Variants in ST18 observed in about 807,000 individuals in gnomAD.
The protein encoded by ST18 is suppression of tumorigenicity 18 protein.
In ST18, 50 loss-of-function variants were observed where a neutral mutation model predicts 110.0. The ratio of observed to expected loss-of-function variants is 0.45; its 90% CI spans 0.36 to 0.58. The LOEUF is 0.58. Among genes scored for constraint, ST18 ranks in the 20% least tolerant of loss-of-function variants. ST18 has a pLI of 0.00. For synonymous variants in ST18, 461 were observed against 452.4 expected, an observed-to-expected ratio of 1.02 and a Z score of -0.24; for missense variants, 1,306 against 1,280.1, an observed-to-expected ratio of 1.02 and a Z score of -0.31.
intron 25 of ST18, among the ~76,000 whole-genome samples, 196 bp from the exon 26 acceptor site, chr8:52,113,534 G>A (rs1006078934): frequency 6.6e-6 from 1 of 152,126 alleles, no homozygotes; most frequent in African/African-American, 2.4e-5. Flanking sequence ...TTCAGGAGAC[G>A]AATATGACTG....
chr8:52,247,126 C>T (rs1564301747), intron 2 of ST18, among the ~76,000 whole-genome samples: 1 of 152,170 alleles, frequency 6.6e-6, no homozygotes. Context: ...GCATCTACTA[C>T]AGTCCTCTGA....
intron 2 of ST18, among the ~76,000 whole-genome samples, chr8:52,271,585 A>G (rs145139639): frequency 0.011 from 1,683 of 152,314 alleles, 32 homozygotes; most frequent in African/African-American, 0.038. Context: ...AGTTTATAAC[A>G]ATGGTTTTCC....
intron 2 of ST18, among the ~76,000 whole-genome samples, chr8:52,316,767 G>A (rs112123784): frequency 1.2e-4 from 18 of 152,270 alleles, no homozygotes; most frequent in African/African-American, 4.3e-4. Context: ...TAGCTCAGTG[G>A]TCATGTGCTG....
intron 9 of ST18, 62 bp downstream of exon 9, chr8:52,180,060 G>GA: frequency 3.9e-6 from 6 of 1,531,602 alleles, no homozygotes; most frequent in Non-Finnish European, 5.4e-6. Flanking sequence ...CACTCTACAT[G>GA]AATTAGCACA....
At chr8:52,115,585 G>A (rs1464998352) in intron 25 of ST18, among the ~76,000 whole-genome samples, 2 of 152,204 alleles carry the variant, frequency 1.3e-5, no homozygotes, top group Admixed American at 6.5e-5. Flanking sequence ...GCAGTAGGCT[G>A]TACCATATAG....
At chr8:52,135,844 C>T (rs954854976) in intron 19 of ST18, among the ~76,000 whole-genome samples, 2 of 152,066 alleles carry the variant, frequency 1.3e-5, no homozygotes, top group East Asian at 1.9e-4. Context: ...GCTGATGCTG[C>T]TGTCTACGCA....
intron 25 of ST18, 130 bp from the exon 26 acceptor site, chr8:52,113,468 G>A: frequency 1.0e-6 from 1 of 982,304 alleles, no homozygotes; most frequent in Non-Finnish European, 1.5e-6. Context: ...GACTGCTGGG[G>A]TTGCAGGGGA....
At chr8:52,181,732 G>A (rs146700811) in intron 8 of ST18, among the ~76,000 whole-genome samples, 1 of 152,290 alleles carries the variant, frequency 6.6e-6, no homozygotes, top group Non-Finnish European at 1.5e-5. Flanking sequence ...AGATGGGGCA[G>A]GAAGTGAGGA....
intron 2 of ST18, among the ~76,000 whole-genome samples, chr8:52,345,563 G>C (rs2140256091): frequency 6.6e-6 from 1 of 152,336 alleles, no homozygotes; most frequent in East Asian, 1.9e-4. Flanking sequence ...GGTGTAAGCA[G>C]AAGTAAACCT....
At chr8:52,273,285 C>T (rs1056988000) in intron 2 of ST18, among the ~76,000 whole-genome samples, 3 of 152,080 alleles carry the variant, frequency 2.0e-5, no homozygotes, top group Admixed American at 6.6e-5. Flanking sequence ...ATTATACTCA[C>T]GTGTGGTCAA....
intron 3 of ST18, among the ~76,000 whole-genome samples, chr8:52,225,659 G>A (rs2089083098): frequency 6.6e-6 from 1 of 152,154 alleles, no homozygotes; most frequent in Non-Finnish European, 1.5e-5. Context: ...GCCAACGAGT[G>A]GGAAATGTCC....
At chr8:52,251,565 C>A (rs16917564) in intron 2 of ST18, among the ~76,000 whole-genome samples, 2 of 151,926 alleles carry the variant, frequency 1.3e-5, no homozygotes, top group Admixed American at 6.6e-5. Flanking sequence ...AAAATCAACA[C>A]CGCATTGACT....
intron 6 of ST18, among the ~76,000 whole-genome samples, chr8:52,214,676 C>G (rs976458827): frequency 2.0e-5 from 3 of 152,136 alleles, no homozygotes; most frequent in African/African-American, 7.2e-5. Flanking sequence ...ATATCTCTTT[C>G]TAAGCTTGGA....
At chr8:52,323,240 C>T (rs1258819200) in intron 2 of ST18, among the ~76,000 whole-genome samples, 2 of 152,176 alleles carry the variant, frequency 1.3e-5, no homozygotes, top group Non-Finnish European at 2.9e-5. Flanking sequence ...GACTCCCACC[C>T]GTGATTTAAC....
Position 52,328,376 on chromosome 8 carries a change from C to T in ST18, c.-465+80952G>A, listed in dbSNP as rs769114309. The stretch of plus-strand genomic sequence containing the variant: ...CCACGAGGCTTAGACACAGTAGTGG[C>T]TCAACACAGGTTTGCTCTCTGATAT... On this transcript the variant is annotated intron_variant, in intron 2 of 25. Coordinates refer to ENST00000689386, the MANE Select transcript of ST18 (RefSeq NM_001352837.2). 2.0e-5 allele frequency among the ~76,000 whole-genome samples: 3 copies of T among 152,130 alleles called. 1 individual carries two copies. Among genetic ancestry groups the T allele is most frequent in the African/African-American group, 4.8e-5 (2 of 41,422 alleles).
At chr8:52,289,072 A>C (rs972104483) in intron 2 of ST18, among the ~76,000 whole-genome samples, 7 of 152,226 alleles carry the variant, frequency 4.6e-5, no homozygotes, top group African/African-American at 1.7e-4. Flanking sequence ...TGTAGCAAAC[A>C]ACCTTTCCTC....
chr8:52,266,244 A>G (rs1032918076), intron 2 of ST18, among the ~76,000 whole-genome samples: 1 of 152,238 alleles, frequency 6.6e-6, no homozygotes, highest in Non-Finnish European at 1.5e-5. Context: ...CTGGAAATTG[A>G]GGCTGGTCTG....
intron 8 of ST18, among the ~76,000 whole-genome samples, chr8:52,180,638 C>G (rs1196144941): frequency 1.3e-5 from 2 of 151,920 alleles, no homozygotes; most frequent in Non-Finnish European, 2.9e-5. Flanking sequence ...TCCTAAGAAA[C>G]AGCTAATGTG....
At chr8:52,249,799 G>A (rs2094148747) in intron 2 of ST18, among the ~76,000 whole-genome samples, 1 of 152,062 alleles carries the variant, frequency 6.6e-6, no homozygotes, top group Non-Finnish European at 1.5e-5. Flanking sequence ...GAGATGAATT[G>A]TCTGGTTTGC....
Sources: gnomAD v4.1 joint callset for allele counts (sites outside exome capture counted in the v4.1 genomes callset) on GRCh38, gnomAD v4.1.1 for gene constraint, MANE v1.5 for transcripts, NCBI Gene and HGNC (gene_info 2026-07-23, HGNC 2026-07-21) for gene names.